The following MAGI1 variants were observed in gnomAD, a reference collection of about 807,000 sequenced individuals.
The protein encoded by MAGI1 is membrane-associated guanylate kinase, WW and PDZ domain-containing protein 1.
A neutral mutation model predicts 139.9 loss-of-function variants in MAGI1; 58 were observed. The observed-to-expected ratio is 0.41, with a 90% CI of 0.34 to 0.52. The LOEUF (loss-of-function observed/expected upper bound fraction) is 0.52, where lower values mean the gene tolerates loss of function less well. MAGI1 is among the 20% of genes least tolerant of loss of function. The probability of loss-of-function intolerance (pLI) is 0.12; values close to 1 mark genes in which losing one functional copy is unlikely to be tolerated. For synonymous variants in MAGI1, 812 were observed against 737.9 expected (o/e 1.10, Z -1.63); for missense variants, 1,874 against 1,901.6 (o/e 0.99, Z 0.27).
At chr3:65,845,740 C>G (rs943295980) in intron 1 of MAGI1, among the ~76,000 whole-genome samples, 3 of 152,194 alleles carry the variant, frequency 2.0e-5, no homozygotes, top group Admixed American at 2.0e-4. Context: ...TCTTCCTCCC[C>G]ATCTGTTCCA....
chr3:65,881,892 C>G (rs1355967940), intron 1 of MAGI1, among the ~76,000 whole-genome samples: 1 of 152,062 alleles, frequency 6.6e-6, no homozygotes, highest in African/African-American at 2.4e-5. Flanking sequence ...TCTGGAAAGC[C>G]AGTAGAGGAA....
chr3:65,514,955 T>C (rs1041968971), intron 2 of MAGI1, among the ~76,000 whole-genome samples: 4 of 150,026 alleles, frequency 2.7e-5, no homozygotes, highest in African/African-American at 4.9e-5. Context: ...GTGGCAAATA[T>C]ACACCATGGA....
intron 1 of MAGI1, among the ~76,000 whole-genome samples, chr3:65,927,960 G>A (rs569963015): frequency 6.6e-6 from 1 of 152,268 alleles, no homozygotes; most frequent in African/African-American, 2.4e-5. Context: ...TAAGCCACTT[G>A]AGGAATATGA....
rs13321922 is a variant in MAGI1, at chr3:65,990,102, A to C, written c.313+47894T>G. Among the ~76,000 whole-genome samples the C allele has an allele frequency of 9.8e-3, 1,496 of 152,224 alleles. 25 individuals are homozygous for C. The highest frequency in any genetic ancestry group is 0.034 in the African/African-American group (1,422 of 41,528). On this transcript the variant is annotated intron_variant, in intron 1 of 22. Transcript: ENST00000402939. ...TAATGAAGAGGATTATCTTGTGAGG[A>C]AATAAAGAGGAAGTAGCAGACACAG... is the stretch of plus-strand genomic sequence containing the variant.
chr3:65,932,385 G>C (rs570197911), intron 1 of MAGI1, among the ~76,000 whole-genome samples: 14 of 152,178 alleles, frequency 9.2e-5, no homozygotes, highest in Non-Finnish European at 1.6e-4. Flanking sequence ...AAAAAAGAAA[G>C]ATTAGGTAAT....
At chr3:65,456,213 A>C (rs1949378217) in intron 5 of MAGI1, among the ~76,000 whole-genome samples, 1 of 152,196 alleles carries the variant, frequency 6.6e-6, no homozygotes, top group East Asian at 1.9e-4. Context: ...TAAGCAAATG[A>C]CATCTCATTG....
At chr3:65,530,518 G>A (rs2078594579) in intron 2 of MAGI1, among the ~76,000 whole-genome samples, 1 of 151,380 alleles carries the variant, frequency 6.6e-6, no homozygotes, top group Non-Finnish European at 1.5e-5. Context: ...TGGAGAGACT[G>A]AGGTGGGAGG....
chr3:65,693,989 G>A (rs896846305), intron 1 of MAGI1, among the ~76,000 whole-genome samples: 3 of 152,068 alleles, frequency 2.0e-5, no homozygotes, highest in South Asian at 4.1e-4. Flanking sequence ...CCGAAGTGCT[G>A]GGATTACAGG....
At chr3:65,780,225 T>C (rs2038818466) in intron 1 of MAGI1, among the ~76,000 whole-genome samples, 1 of 152,314 alleles carries the variant, frequency 6.6e-6, no homozygotes, top group South Asian at 2.1e-4. Context: ...TGTTTTGCCA[T>C]GTTGCCCAGG....
At chr3:65,741,932 C>T (rs1183057264) in intron 1 of MAGI1, among the ~76,000 whole-genome samples, 1 of 152,094 alleles carries the variant, frequency 6.6e-6, no homozygotes, top group Non-Finnish European at 1.5e-5. Context: ...AAGTGTCATG[C>T]CCGGAACTAG....
chr3:66,030,768 C>G (rs1355873883), intron 1 of MAGI1, among the ~76,000 whole-genome samples: 1 of 152,108 alleles, frequency 6.6e-6, no homozygotes, highest in East Asian at 1.9e-4. Flanking sequence ...ATAAGGACTT[C>G]GGCTTTCACT....
rs758465109 is a variant in MAGI1, at chr3:65,357,108, G to C, written c.3659C>G (p.Pro1220Arg). The C allele has an allele frequency of 7.4e-6, 12 of 1,612,612 alleles. No individual in the cohort carries two copies. The East Asian group carries it at 2.2e-4, about 30-fold the overall frequency. The part of the protein sequence containing the change: ...EYDPSSDRHG[P>R]ATGPQGVPEV... ...CGGAACACCTTGTGGACCGGTGGCG[G>C]GGCCGTGGCGGTCGCTGCTGGGGTC... Residue 1220 changes from proline (P) to arginine (R), a missense_variant, in exon 23 of 23, where the codon CCC (proline) becomes CGC (arginine). This residue lies in a region of MAGI1 where 653 missense variants were observed against 644.5 expected (regional missense o/e 1.01). Coordinates refer to ENST00000402939, the MANE Select transcript of MAGI1 (RefSeq NM_001033057.2).
chr3:66,017,572 T>C (rs1160732639), intron 1 of MAGI1, among the ~76,000 whole-genome samples: 1 of 152,218 alleles, frequency 6.6e-6, no homozygotes, highest in Non-Finnish European at 1.5e-5. Flanking sequence ...TGCTGTCACC[T>C]AATCTCAGAC....
intron 1 of MAGI1, among the ~76,000 whole-genome samples, chr3:65,823,178 T>C (rs2042040538): frequency 6.6e-6 from 1 of 152,202 alleles, no homozygotes; most frequent in African/African-American, 2.4e-5. Flanking sequence ...ATAAAGTGAT[T>C]TGACATCTAA....
At position 66,006,305 on chromosome 3, in the gene MAGI1, C is replaced by T. The variant is rs144779364; in HGVS notation, c.313+31691G>A. Among the ~76,000 whole-genome samples the T allele has an allele frequency of 5.6e-3, 857 of 152,206 alleles. 10 individuals are homozygous for T. The highest frequency in any genetic ancestry group is 0.019 in the African/African-American group (797 of 41,520). On this transcript the variant is annotated intron_variant, in intron 1 of 22. Transcript: ENST00000402939. Reference sequence around the variant, plus strand: ...AAACTATTACTGCCAGTATTGGATACGACAAAAAATGAAATCCCACCTTCT... The same window carrying T: ...AAACTATTACTGCCAGTATTGGATATGACAAAAAATGAAATCCCACCTTCT...
intron 2 of MAGI1, among the ~76,000 whole-genome samples, chr3:65,621,717 C>A (rs892183679): frequency 1.3e-5 from 2 of 152,186 alleles, no homozygotes; most frequent in East Asian, 3.9e-4. Flanking sequence ...ATTACTAACA[C>A]GTCCTTTCCA....
chr3:65,467,267 A>G (rs1204030035), intron 5 of MAGI1, among the ~76,000 whole-genome samples: 1 of 152,260 alleles, frequency 6.6e-6, no homozygotes, highest in African/African-American at 2.4e-5. Context: ...CCCAAAAACT[A>G]TAAAACAAAT....
At chr3:65,808,104 G>A (rs760419764) in intron 1 of MAGI1, among the ~76,000 whole-genome samples, 2 of 151,296 alleles carry the variant, frequency 1.3e-5, no homozygotes, top group East Asian at 2.0e-4. Context: ...TCCAGCCTCC[G>A]CCTCCCGAGT....
At chr3:65,770,836 G>T (rs1437395589) in intron 1 of MAGI1, among the ~76,000 whole-genome samples, 1 of 151,922 alleles carries the variant, frequency 6.6e-6, no homozygotes, top group African/African-American at 2.4e-5. Context: ...CTACAGGCAT[G>T]TGCCACAATG....
Sources: allele counts gnomAD v4.1 joint callset (sites outside exome capture counted in the v4.1 genomes callset), GRCh38; gene constraint gnomAD v4.1.1; regional missense constraint gnomAD v4.1.1; transcripts MANE v1.5; gene names NCBI Gene and HGNC (gene_info 2026-07-23, HGNC 2026-07-21).